Variants in NKAIN3 observed in about 807,000 individuals in gnomAD.
NKAIN3 encodes sodium/potassium transporting ATPase interacting 3.
NKAIN3 carries 25 observed loss-of-function variants against 30.2 expected under a neutral mutation model. The observed-to-expected ratio is 0.83, with a 90% CI of 0.60 to 1.16. NKAIN3 has a LOEUF of 1.16. Among genes scored for constraint, NKAIN3 ranks in the 50% most tolerant of loss-of-function variants. NKAIN3 has a pLI of 0.00. For synonymous variants in NKAIN3, 91 were observed against 89.6 expected (o/e 1.02, Z -0.09); for missense variants, 225 against 254.1 (o/e 0.89, Z 0.78).
rs1824143753 is a variant in NKAIN3, at chr8:62,983,870, TACAA to T, written c.*18467_*18470del. ...CTATGAACACTGCTTGCTTCAGTGA[TACAA>T]ACAGACATTTTCTTGTTACATGTGT... On this transcript the variant is annotated 3_prime_UTR_variant, in exon 7 of 7. Transcript: ENST00000623646. 1 of 152,212 alleles carries T rather than the reference TACAA, an allele frequency of 6.6e-6. No homozygotes were observed. The highest frequency in any genetic ancestry group is 1.5e-5 in the Non-Finnish European group (1 of 68,032). The allele number at this position is 152,212 out of a possible 1,614,324, so 9.4% of individuals were successfully genotyped here.
chr8:62,486,049 G>A (rs1240334725), intron 1 of NKAIN3, among the ~76,000 whole-genome samples: 1 of 152,164 alleles, frequency 6.6e-6, no homozygotes, highest in Non-Finnish European at 1.5e-5. Context: ...AAAAGAAAAT[G>A]TGGGAAATTG....
chr8:62,814,914 A>T (rs1282950772), intron 4 of NKAIN3, among the ~76,000 whole-genome samples: 1 of 152,088 alleles, frequency 6.6e-6, no homozygotes, highest in Non-Finnish European at 1.5e-5. Context: ...AGACACAAAA[A>T]CCCTTCAAAA....
chr8:62,863,261 A>G, intron 4 of NKAIN3: 3 of 1,562,616 alleles, frequency 1.9e-6, no homozygotes, highest in Non-Finnish European at 2.6e-6. Context: ...TTGTTTTTAG[A>G]TATTTTTCCT....
intron 3 of NKAIN3, among the ~76,000 whole-genome samples, chr8:62,636,202 A>G (rs147046537): frequency 6.6e-6 from 1 of 152,324 alleles, no homozygotes; most frequent in East Asian, 1.9e-4. Context: ...CTTAATAACT[A>G]ACTTATTTAC....
chr8:62,982,420 G>T lies in NKAIN3; in HGVS notation c.*17013G>T, dbSNP rs1481586570. 1 of 152,140 alleles carries T rather than the reference G, an allele frequency of 6.6e-6. No homozygotes were observed. The highest frequency in any genetic ancestry group is 2.4e-5 in the African/African-American group (1 of 41,426). The allele number at this position is 152,140 out of a possible 1,614,324, so 9.4% of individuals were successfully genotyped here. A position where few individuals can be genotyped will look rare whatever the true frequency, so the allele number is the denominator to read the frequency against. ...CATAACCTCACAACGATATGTGGTG[G>T]CCCCGCAGTCATTATGGTCTTGTTA... On this transcript the variant is annotated 3_prime_UTR_variant, in exon 7 of 7. Coordinates refer to ENST00000623646, the MANE Select transcript of NKAIN3 (RefSeq NM_001304533.3).
downstream of NKAIN3, among the ~76,000 whole-genome samples, chr8:62,986,349 TA>T (rs1171011688): frequency 6.6e-6 from 1 of 152,210 alleles, no homozygotes; most frequent in African/African-American, 2.4e-5. Flanking sequence ...AGAACAGTGA[TA>T]AGTGAAAATG....
intron 3 of NKAIN3, among the ~76,000 whole-genome samples, chr8:62,593,717 A>G (rs531584200): frequency 1.3e-5 from 2 of 152,178 alleles, no homozygotes; most frequent in South Asian, 4.1e-4. Context: ...AACAGAAACA[A>G]CCGGTATGCA....
intron 4 of NKAIN3, among the ~76,000 whole-genome samples, chr8:62,903,401 G>A (rs1007581245): frequency 6.6e-6 from 1 of 152,144 alleles, no homozygotes; most frequent in Non-Finnish European, 1.5e-5. Context: ...TCTCCCCAGA[G>A]TGATCCAAAT....
At chr8:62,551,706 C>G (rs981963283) in intron 1 of NKAIN3, among the ~76,000 whole-genome samples, 5 of 152,152 alleles carry the variant, frequency 3.3e-5, no homozygotes, top group Non-Finnish European at 7.3e-5. Context: ...TAAAAACCAA[C>G]CAGTCACTTT....
At chr8:62,417,291 G>GATA (rs1232471905) in intron 1 of NKAIN3, among the ~76,000 whole-genome samples, 3 of 152,066 alleles carry the variant, frequency 2.0e-5, no homozygotes, top group Admixed American at 2.0e-4. Context: ...TGTTGTTGCA[G>GATA]ATAACAGGAT....
intron 5 of NKAIN3, among the ~76,000 whole-genome samples, chr8:62,938,567 A>T (rs1423616224): frequency 6.6e-6 from 1 of 151,458 alleles, no homozygotes; most frequent in East Asian, 1.9e-4. Context: ...GACAGTTCAC[A>T]CCATAGGACT....
At chr8:62,410,591 C>G (rs1017576705) in intron 1 of NKAIN3, among the ~76,000 whole-genome samples, 7 of 151,486 alleles carry the variant, frequency 4.6e-5, no homozygotes, top group African/African-American at 1.7e-4. Flanking sequence ...AAAAACAAAA[C>G]AAGATAAGAT....
chr8:62,515,548 T>C (rs374286344), intron 1 of NKAIN3, among the ~76,000 whole-genome samples: 82 of 152,260 alleles, frequency 5.4e-4, no homozygotes, highest in African/African-American at 1.9e-3. Context: ...TCACTGGAGT[T>C]TGTTATACAA....
At chr8:62,303,730 G>T (rs1296227676) in intron 1 of NKAIN3, among the ~76,000 whole-genome samples, 1 of 150,498 alleles carries the variant, frequency 6.6e-6, no homozygotes, top group East Asian at 1.9e-4. Flanking sequence ...TGTTGAGACT[G>T]TATAATTTAA....
intron 3 of NKAIN3, among the ~76,000 whole-genome samples, chr8:62,673,253 G>A (rs1185955504): frequency 6.6e-6 from 1 of 152,148 alleles, no homozygotes; most frequent in Non-Finnish European, 1.5e-5. Context: ...CATGTCTAAA[G>A]ACAATGGCAA....
At chr8:62,542,031 G>A (rs1808860933) in intron 1 of NKAIN3, among the ~76,000 whole-genome samples, 1 of 152,136 alleles carries the variant, frequency 6.6e-6, no homozygotes, top group Non-Finnish European at 1.5e-5. Flanking sequence ...TTGCTTCACT[G>A]AGAAGACTCA....
intron 5 of NKAIN3, among the ~76,000 whole-genome samples, chr8:62,940,595 G>C (rs1822924473): frequency 6.6e-6 from 1 of 151,854 alleles, no homozygotes; most frequent in Non-Finnish European, 1.5e-5. Flanking sequence ...GAATAAAACT[G>C]GATATCAATT....
intron 1 of NKAIN3, among the ~76,000 whole-genome samples, chr8:62,425,875 G>A (rs998282837): frequency 6.6e-6 from 1 of 151,836 alleles, no homozygotes; most frequent in East Asian, 1.9e-4. Flanking sequence ...TGTCTTACTT[G>A]TATGATGTTA....
At chr8:62,684,171 G>T (rs1311807824) in intron 3 of NKAIN3, among the ~76,000 whole-genome samples, 1 of 152,146 alleles carries the variant, frequency 6.6e-6, no homozygotes, top group African/African-American at 2.4e-5. Flanking sequence ...CAAGTTGAAG[G>T]TTGTGTGAGA....
Sources: allele counts gnomAD v4.1 joint callset (sites outside exome capture counted in the v4.1 genomes callset), GRCh38; gene constraint gnomAD v4.1.1; transcripts MANE v1.5; gene names NCBI Gene and HGNC (gene_info 2026-07-23, HGNC 2026-07-21).